LAMA2: variants seen among roughly 807,000 people sequenced by gnomAD.
LAMA2 encodes laminin subunit alpha-2.
A neutral mutation model predicts 364.8 loss-of-function variants in LAMA2; 269 were observed. The ratio of observed to expected loss-of-function variants is 0.74; its 90% confidence interval spans 0.67 to 0.82. The LOEUF is 0.82. Ranked by LOEUF, LAMA2 falls within the 40% of genes least tolerant of loss-of-function variation. The pLI is 0.00. For missense variants in LAMA2, 3,807 were observed against 3,873.2 expected (o/e 0.98, Z 0.45); for synonymous variants, 1,379 against 1,370.6 (o/e 1.01, Z -0.14).
At chr6:129,139,086 C>T (rs1194375952) in intron 4 of LAMA2, among the ~76,000 whole-genome samples, 1 of 151,934 alleles carries the variant, frequency 6.6e-6, no homozygotes, top group Non-Finnish European at 1.5e-5. Context: ...GGTGACTTTC[C>T]CAAGAGCAGT....
chr6:129,316,022 C>G lies in LAMA2; in HGVS notation c.3925-16C>G. On this transcript the variant is annotated splice_polypyrimidine_tract_variant and intron_variant, in intron 26 of 64. Coordinates refer to ENST00000421865, the MANE Select transcript of LAMA2 (RefSeq NM_000426.4). ...GCATTCAGTTTTGTCATAGTGATTT[C>G]TCTTCTTGTTAACAGAAAGAATGGA... 6.2e-7 allele frequency: 1 copy of G among 1,614,032 alleles called. No individual in the cohort carries two copies. Among genetic ancestry groups the G allele is most frequent in the Non-Finnish European group, 8.5e-7 (1 of 1,179,964 alleles).
At chr6:129,350,585 A>G (rs550240691) in intron 31 of LAMA2, among the ~76,000 whole-genome samples, 2 of 152,332 alleles carry the variant, frequency 1.3e-5, no homozygotes, top group South Asian at 4.1e-4. Context: ...TCAGGCTAAG[A>G]CTGGGACATC....
intron 51 of LAMA2, among the ~76,000 whole-genome samples, chr6:129,467,970 G>A (rs1326983672): frequency 6.6e-6 from 1 of 151,714 alleles, no homozygotes; most frequent in Non-Finnish European, 1.5e-5. Flanking sequence ...CTTTATCCCA[G>A]CCTACTCAGT....
At chr6:128,961,012 A>G (rs1781455360) in intron 1 of LAMA2, among the ~76,000 whole-genome samples, 1 of 151,910 alleles carries the variant, frequency 6.6e-6, no homozygotes, top group Non-Finnish European at 1.5e-5. Flanking sequence ...TATGTCACGA[A>G]AGCATGTTAA....
chr6:129,259,503 G>A (rs1583359710), intron 14 of LAMA2, among the ~76,000 whole-genome samples: 1 of 152,144 alleles, frequency 6.6e-6, no homozygotes, highest in East Asian at 1.9e-4. Flanking sequence ...GTCAATAGTA[G>A]TCATTTAATT....
chr6:129,112,831 G>A (rs1034581728), intron 4 of LAMA2, among the ~76,000 whole-genome samples: 3 of 151,830 alleles, frequency 2.0e-5, no homozygotes, highest in African/African-American at 7.3e-5. Flanking sequence ...CCTAGCAATT[G>A]CCTTGACTCA....
chr6:129,479,234 C>A (rs1274963473), intron 54 of LAMA2, among the ~76,000 whole-genome samples: 1 of 152,094 alleles, frequency 6.6e-6, no homozygotes, highest in East Asian at 1.9e-4. Context: ...TAATTTACAC[C>A]GTAGCCATTA....
At chr6:129,262,328 G>A (rs3823006) in intron 15 of LAMA2, among the ~76,000 whole-genome samples, 26,814 of 151,946 alleles carry the variant, frequency 0.18, 2,605 homozygotes, top group African/African-American at 0.25. Flanking sequence ...TCTCAGCACT[G>A]TATAATTAAG....
chr6:128,940,247 G>T (rs1049522169), intron 1 of LAMA2, among the ~76,000 whole-genome samples: 2 of 151,812 alleles, frequency 1.3e-5, no homozygotes, highest in Non-Finnish European at 2.9e-5. Context: ...TTCCTTAGGG[G>T]AATCTCATCA....
intron 1 of LAMA2, among the ~76,000 whole-genome samples, chr6:128,987,140 G>GTTTTTTTTTTT (rs764115716): frequency 8.2e-6 from 1 of 121,358 alleles, no homozygotes; most frequent in Non-Finnish European, 1.7e-5. Flanking sequence ...TTTTTTTTTT[G>GTTTTTTTTTTT]TTTTTTTTTT....
Position 129,045,183 on chromosome 6 carries a change from G to A in LAMA2, c.113-4735G>A, listed in dbSNP as rs971309672. ...AACTATTCCCTGACCATAAAACAAG[G>A]CAATTAAATTGTGCAAAGGTTAATT... On this transcript the variant is annotated intron_variant, in intron 1 of 64. Transcript: ENST00000421865. 3.9e-5 allele frequency among the ~76,000 whole-genome samples: 6 copies of A among 152,130 alleles called. No individual in the cohort carries two copies. In the East Asian group the frequency reaches 5.8e-4, roughly 15 times the overall value.
chr6:129,406,380 G>A (rs1012701715), intron 40 of LAMA2, among the ~76,000 whole-genome samples: 31 of 152,176 alleles, frequency 2.0e-4, no homozygotes, highest in African/African-American at 7.0e-4. Flanking sequence ...AGAATGAAAT[G>A]TTATTTTAAG....
chr6:129,487,210 G>A (rs1336275349), intron 56 of LAMA2, among the ~76,000 whole-genome samples: 2 of 152,206 alleles, frequency 1.3e-5, no homozygotes, highest in Admixed American at 1.3e-4. Flanking sequence ...CCTGAGCCTG[G>A]CCACCTTTTT....
chr6:129,150,832 T>G (rs1037876277), intron 7 of LAMA2, among the ~76,000 whole-genome samples: 1 of 152,178 alleles, frequency 6.6e-6, no homozygotes, highest in Admixed American at 6.5e-5. Context: ...TTTTCCAAGT[T>G]GAATCATATT....
intron 32 of LAMA2, among the ~76,000 whole-genome samples, chr6:129,363,909 C>T (rs369853965): frequency 1.3e-5 from 2 of 152,202 alleles, no homozygotes; most frequent in East Asian, 3.8e-4. Context: ...TTGCATTGAA[C>T]GGGGCTATGA....
At chr6:129,388,400 C>T (rs1306443168) in intron 35 of LAMA2, among the ~76,000 whole-genome samples, 2 of 152,104 alleles carry the variant, frequency 1.3e-5, no homozygotes, top group African/African-American at 4.8e-5. Flanking sequence ...TTTTGTGCAC[C>T]TTAATGATTG....
chr6:129,111,489 T>G (rs1172343809), intron 4 of LAMA2, among the ~76,000 whole-genome samples: 2 of 151,960 alleles, frequency 1.3e-5, no homozygotes, highest in African/African-American at 2.4e-5. Flanking sequence ...TGTAAGTGCC[T>G]TCTAAACCCG....
At chr6:129,206,333 T>C (rs944703271) in intron 12 of LAMA2, among the ~76,000 whole-genome samples, 1 of 152,220 alleles carries the variant, frequency 6.6e-6, no homozygotes, top group Admixed American at 6.5e-5. Flanking sequence ...AAAAGCTCTG[T>C]TCTAGTGCCC....
chr6:129,267,275 G>C (rs1014235515), intron 16 of LAMA2, 56 bp downstream of exon 16: 1 of 1,155,708 alleles, frequency 8.7e-7, no homozygotes, highest in African/African-American at 1.5e-5. Flanking sequence ...CACCTCGACA[G>C]ATGCTACAAT....
Sources: gnomAD v4.1 joint callset for allele counts (sites outside exome capture counted in the v4.1 genomes callset) on GRCh38, gnomAD v4.1.1 for gene constraint, MANE v1.5 for transcripts, NCBI Gene and HGNC (gene_info 2026-07-23, HGNC 2026-07-21) for gene names.